Variants in CACNA1B observed in about 807,000 individuals in gnomAD.
The protein encoded by CACNA1B is voltage-dependent N-type calcium channel subunit alpha-1B.
A neutral mutation model predicts 247.2 loss-of-function variants in CACNA1B; 70 were observed. The observed-to-expected ratio is 0.28, with a 90% CI of 0.23 to 0.35. The LOEUF (loss-of-function observed/expected upper bound fraction) is 0.35, where lower values mean the gene tolerates loss of function less well. Ranked by LOEUF, CACNA1B falls within the 10% of genes least tolerant of loss-of-function variation. The pLI is 1.00. For synonymous variants in CACNA1B, 1,231 were observed against 1,294.4 expected (o/e 0.95, Z 1.05); for missense variants, 2,367 against 3,197.4 (o/e 0.74, Z 6.26).
In CACNA1B at chr9:138,012,367, G is replaced by C. The variant is rs1958734937; in HGVS notation, c.2161-762G>C. 6.6e-6 allele frequency among the ~76,000 whole-genome samples: 1 copy of C among 152,136 alleles called. No homozygotes were observed. The highest frequency in any genetic ancestry group is 6.5e-5 in the Admixed American group (1 of 15,280). ...CTTGCTCTTGGCTTTGTTAAAGTGT[G>C]ACAGATGCTCCTGGGGGGACAGGTG... On this transcript the variant is annotated intron_variant, in intron 17 of 46. Transcript: ENST00000371372. This position sits in a 1 kb window ranked among gnomAD's most constrained non-coding sequence, Gnocchi z 4.2.
At chr9:138,091,815 C>T (rs1464369808) in intron 36 of CACNA1B, among the ~76,000 whole-genome samples, 1 of 152,112 alleles carries the variant, frequency 6.6e-6, no homozygotes, top group East Asian at 1.9e-4. Context: ...GGAACCAGCC[C>T]CCAGTATTTC....
chr9:138,033,882 T>A (rs1458502629), intron 20 of CACNA1B, among the ~76,000 whole-genome samples: 3 of 152,096 alleles, frequency 2.0e-5, no homozygotes, highest in African/African-American at 7.2e-5. Context: ...GGATTACAAT[T>A]TGAGGTGAGA....
chr9:137,914,696 C>CA lies in CACNA1B; in HGVS notation c.666dup (p.Leu223ThrfsTer43), dbSNP rs1348542135. On this transcript the variant is annotated frameshift_variant, in exon 5 of 47. Coordinates refer to ENST00000371372, the MANE Select transcript of CACNA1B (RefSeq NM_000718.4). LOFTEE classifies it high-confidence loss of function. This position sits in a 1 kb window ranked among gnomAD's most constrained non-coding sequence, Gnocchi z 4.3. ...AAGTCCATCATGAAGGCCATGGTTC[C>CA]ACTCCTGCAGATTGGGCTGCTTCTC... 6.2e-7 allele frequency: 1 copy of CA among 1,613,882 alleles called. No homozygotes were observed. Among genetic ancestry groups the CA allele is most frequent in the African/African-American group, 1.3e-5 (1 of 74,928 alleles).
rs943796368 is a variant in CACNA1B at position 138,072,881 on chromosome 9, C to T, written c.4675-607C>T. On this transcript the variant is annotated intron_variant, in intron 32 of 46. Transcript: ENST00000371372. This position sits in a 1 kb window ranked among gnomAD's most constrained non-coding sequence, Gnocchi z 4.5. ...GACCGTGAATTGCAGAGGTGGCTTC[C>T]GTGGTGTGAGCAGCAGAACACCTGT... Among the ~76,000 whole-genome samples, 1 of 152,186 alleles carries T rather than the reference C, an allele frequency of 6.6e-6. No homozygotes were observed. Among genetic ancestry groups the T allele is most frequent in the African/African-American group, 2.4e-5 (1 of 41,440 alleles).
At chr9:137,996,876 C>T (rs1473926731) in intron 15 of CACNA1B, among the ~76,000 whole-genome samples, 1 of 152,094 alleles carries the variant, frequency 6.6e-6, no homozygotes, top group Non-Finnish European at 1.5e-5. Flanking sequence ...AAGAAAAATA[C>T]AGATCACTTC....
intron 31 of CACNA1B, chr9:138,068,676 T>A: frequency 1.9e-6 from 1 of 516,954 alleles, no homozygotes; most frequent in Non-Finnish European, 3.9e-6. Context: ...AGGACACAGC[T>A]TGGTGGGGAG....
chr9:137,963,658 A>G (rs1958044543), intron 10 of CACNA1B, among the ~76,000 whole-genome samples: 2 of 152,170 alleles, frequency 1.3e-5, no homozygotes, highest in South Asian at 4.1e-4. Context: ...CGGCCTCCCA[A>G]GGTGCTGGGA....
chr9:138,057,909 C>A lies in CACNA1B; in HGVS notation c.4106+40C>A. The A allele has an allele frequency of 2.5e-6, 4 of 1,590,640 alleles. No individual in the cohort carries two copies. The highest frequency in any genetic ancestry group is 4.5e-5 in the East Asian group (2 of 44,274). On this transcript the variant is annotated intron_variant, in intron 27 of 46. Coordinates refer to ENST00000371372, the MANE Select transcript of CACNA1B (RefSeq NM_000718.4). This position sits in a 1 kb window ranked among gnomAD's most constrained non-coding sequence, Gnocchi z 4.0. Reference sequence around the variant, plus strand: ...TGCTCTCCGTAGCTGGGGCAGGCAGCCCCTGAGCTCGGCCTCCCTTCCTCC... The same window carrying A: ...TGCTCTCCGTAGCTGGGGCAGGCAGACCCTGAGCTCGGCCTCCCTTCCTCC...
At chr9:138,022,530 C>CA (rs1958857348) in intron 18 of CACNA1B, among the ~76,000 whole-genome samples, 1 of 152,122 alleles carries the variant, frequency 6.6e-6, no homozygotes, top group Non-Finnish European at 1.5e-5. Flanking sequence ...GAAGGGGCCG[C>CA]GTGTCCCGCC....
At chr9:137,908,992 C>CGT (rs1554924500) in intron 3 of CACNA1B, among the ~76,000 whole-genome samples, 1 of 135,014 alleles carries the variant, frequency 7.4e-6, no homozygotes, top group African/African-American at 2.7e-5. Context: ...CTGTTTTAAC[C>CGT]TTTTTTTTTT....
In CACNA1B at chr9:137,969,619, G is replaced by A. The variant is rs546730596; in HGVS notation, c.1334-1764G>A. Among the ~76,000 whole-genome samples the A allele has an allele frequency of 7.9e-5, 12 of 152,300 alleles. No homozygotes were observed. The East Asian group carries it at 2.3e-3, about 29-fold the overall frequency. On this transcript the variant is annotated intron_variant, in intron 10 of 46. Transcript: ENST00000371372. ...GTGTTCTCTTTCCCTCCTTCCCAGA[G>A]TGGCCCTGTTTGTGTCCACAGGTGT... is the stretch of plus-strand genomic sequence containing the variant.
At chr9:138,112,317 C>A (rs1182649055) in intron 39 of CACNA1B, 81 bp from the exon 40 acceptor site, 1 of 952,970 alleles carries the variant, frequency 1.0e-6, no homozygotes, top group Non-Finnish European at 1.7e-6. Context: ...CCCACCTGCA[C>A]CAGCTCTGCC....
chr9:138,051,968 T>C lies in CACNA1B; in HGVS notation c.3711-124T>C. On this transcript the variant is annotated intron_variant, in intron 24 of 46. Coordinates refer to ENST00000371372, the MANE Select transcript of CACNA1B (RefSeq NM_000718.4). The surrounding 1 kb of genome is among the most constrained non-coding windows in gnomAD (Gnocchi z 4.3). ...AGGGCAAGGCCTCTCTGCTCCTGGG[T>C]CCTCCACCCTGGAGTCTGAGACAAA... 1.6e-6 allele frequency: 1 copy of C among 611,078 alleles called. No homozygotes were observed. The highest frequency in any genetic ancestry group is 3.0e-6 in the Non-Finnish European group (1 of 335,584). The allele number at this position is 611,078 out of a possible 1,614,324, so 37.9% of individuals were successfully genotyped here.
intron 15 of CACNA1B, among the ~76,000 whole-genome samples, chr9:137,992,820 AT>A (rs1958448279): frequency 6.6e-6 from 1 of 151,646 alleles, no homozygotes; most frequent in Admixed American, 6.6e-5. Flanking sequence ...AAAAATCTAT[AT>A]TATATCAAGT....
At chr9:137,912,487 A>C (rs1473147603) in intron 3 of CACNA1B, among the ~76,000 whole-genome samples, 1 of 152,222 alleles carries the variant, frequency 6.6e-6, no homozygotes, top group Non-Finnish European at 1.5e-5. Context: ...GCTCAAGATA[A>C]GGAAGTGGTG....
chr9:138,111,577 G>A (rs746582223), intron 39 of CACNA1B, among the ~76,000 whole-genome samples: 20 of 152,336 alleles, frequency 1.3e-4, no homozygotes, highest in South Asian at 2.1e-4. Context: ...AGGCACATGG[G>A]CGTATGAATT....
At chr9:137,970,849 G>T (rs934561640) in intron 10 of CACNA1B, among the ~76,000 whole-genome samples, 1 of 152,164 alleles carries the variant, frequency 6.6e-6, no homozygotes, top group Non-Finnish European at 1.5e-5. Flanking sequence ...AAGTATTGTG[G>T]ACATTGAACA....
Position 138,112,955 on chromosome 9 carries a change from G to T in CACNA1B, c.5536+450G>T, listed in dbSNP as rs1490234366. On this transcript the variant is annotated intron_variant, in intron 40 of 46. Coordinates refer to ENST00000371372, the MANE Select transcript of CACNA1B (RefSeq NM_000718.4). The stretch of plus-strand genomic sequence containing the variant: ...GAAGTGCCCAACTCCATCTTGGAGA[G>T]GTGAGGGAGCATGGGGAGGTGCCCA... Among the ~76,000 whole-genome samples, 8 of 137,704 alleles carry T rather than the reference G, an allele frequency of 5.8e-5. 1 individual carries two copies. In the South Asian group the frequency reaches 1.7e-3, roughly 29 times the overall value. 90.3% of individuals were successfully genotyped at this position (137,704 alleles called of 152,430 possible).
rs772622725 is a variant in CACNA1B, at chr9:138,058,773, A to G, written c.4473+40A>G. The G allele has an allele frequency of 1.3e-6, 2 of 1,552,026 alleles. No homozygotes were observed. The highest frequency in any genetic ancestry group is 1.2e-5 in the South Asian group (1 of 85,042). On this transcript the variant is annotated intron_variant, in intron 29 of 46. Transcript: ENST00000371372. This position sits in a 1 kb window ranked among gnomAD's most constrained non-coding sequence, Gnocchi z 4.7. ...GCGCAGAGGGGCAGCTGGCGCTGCTAGGGATTGGGATCTAACCCTGAGGCT... is the reference window on the plus strand; with the variant it reads ...GCGCAGAGGGGCAGCTGGCGCTGCTGGGGATTGGGATCTAACCCTGAGGCT...
Sources: gnomAD v4.1 joint callset for allele counts (sites outside exome capture counted in the v4.1 genomes callset) on GRCh38, gnomAD v4.1.1 for gene constraint, Gnocchi (gnomAD v3.1) non-coding constraint, MANE v1.5 for transcripts, NCBI Gene and HGNC (gene_info 2026-07-23, HGNC 2026-07-21) for gene names.